The following SPIRE1 variants were observed in gnomAD, a reference collection of about 807,000 sequenced individuals.
The protein encoded by SPIRE1 is spire type actin nucleation factor 1.
Under a neutral mutation model 94.1 loss-of-function variants are expected in SPIRE1, and 40 were observed. The observed-to-expected ratio is 0.43, with a 90% CI of 0.33 to 0.55. The LOEUF (loss-of-function observed/expected upper bound fraction) is 0.55, where lower values mean the gene tolerates loss of function less well. SPIRE1 is among the 20% of genes least tolerant of loss of function. The probability of loss-of-function intolerance (pLI) is 0.06; values close to 1 mark genes in which losing one functional copy is unlikely to be tolerated. For synonymous variants in SPIRE1, 376 were observed against 371.7 expected, an observed-to-expected ratio of 1.01 and a Z score of -0.13; for missense variants, 838 against 975.2, an observed-to-expected ratio of 0.86 and a Z score of 1.87.
At chr18:12,625,813 C>G (rs1187032491) in intron 2 of SPIRE1, among the ~76,000 whole-genome samples, 2 of 152,064 alleles carry the variant, frequency 1.3e-5, no homozygotes, top group Non-Finnish European at 2.9e-5. Flanking sequence ...GAGGCCAAGG[C>G]GGGTGGATCA....
chr18:12,577,425 G>C (rs12963325), intron 2 of SPIRE1, among the ~76,000 whole-genome samples: 72,549 of 151,882 alleles, frequency 0.48, 18,056 homozygotes, highest in East Asian at 0.6. Context: ...GTGATTACAG[G>C]CATGAGCCAC....
At chr18:12,614,339 T>G (rs1460135252) in intron 2 of SPIRE1, among the ~76,000 whole-genome samples, 1 of 150,882 alleles carries the variant, frequency 6.6e-6, no homozygotes, top group East Asian at 1.9e-4. Flanking sequence ...TTTACTTAAT[T>G]TATCTACTAG....
chr18:12,623,165 T>C (rs2037523988), intron 2 of SPIRE1, among the ~76,000 whole-genome samples: 1 of 152,200 alleles, frequency 6.6e-6, no homozygotes, highest in South Asian at 2.1e-4. Flanking sequence ...ATACATTTTT[T>C]TTTTTTGAGA....
intron 2 of SPIRE1, among the ~76,000 whole-genome samples, chr18:12,595,741 A>T (rs528086001): frequency 6.6e-6 from 1 of 152,364 alleles, no homozygotes; most frequent in Non-Finnish European, 1.5e-5. Flanking sequence ...GAATAGACAA[A>T]CACATATACA....
intron 4 of SPIRE1, among the ~76,000 whole-genome samples, chr18:12,526,623 A>G (rs986686252): frequency 2.0e-5 from 3 of 152,236 alleles, no homozygotes; most frequent in Non-Finnish European, 4.4e-5. Context: ...AAGTCAGAAC[A>G]GCATTTAGCA....
intron 12 of SPIRE1, among the ~76,000 whole-genome samples, chr18:12,462,285 CTCTAATAAT>C (rs2031897732): frequency 6.6e-6 from 1 of 152,184 alleles, no homozygotes. Context: ...TTAATTGAAA[CTCTAATAAT>C]TCATCACAGC....
At chr18:12,535,146 CAGAAG>C (rs2144198402) in intron 4 of SPIRE1, among the ~76,000 whole-genome samples, 1 of 152,232 alleles carries the variant, frequency 6.6e-6, no homozygotes, top group Admixed American at 6.5e-5. Flanking sequence ...TCAGAATGGA[CAGAAG>C]AGAAGAGCGA....
chr18:12,661,326 A>C, upstream of SPIRE1: 3 of 980,720 alleles, frequency 3.1e-6, no homozygotes, highest in Non-Finnish European at 3.6e-6. Context: ...AAGAAAAAAA[A>C]TTGATAAGCC....
At chr18:12,467,727 G>C (rs517382) in intron 10 of SPIRE1, among the ~76,000 whole-genome samples, 5 of 152,094 alleles carry the variant, frequency 3.3e-5, no homozygotes, top group Admixed American at 2.6e-4. Flanking sequence ...TGAGGTGGGC[G>C]GATCACGAGG....
chr18:12,649,203 G>A (rs2038308904), intron 1 of SPIRE1, among the ~76,000 whole-genome samples: 1 of 152,060 alleles, frequency 6.6e-6, no homozygotes, highest in Non-Finnish European at 1.5e-5. Flanking sequence ...TTTGAGGTCA[G>A]GAGTTCAAGA....
At chr18:12,519,356 G>GCA (rs142657874) in intron 4 of SPIRE1, among the ~76,000 whole-genome samples, 123 of 150,816 alleles carry the variant, frequency 8.2e-4, no homozygotes, top group Admixed American at 2.6e-3. Context: ...ACACACGCAC[G>GCA]CACACACACA....
In SPIRE1 at chr18:12,449,698, G is replaced by A. The variant is rs1421166747; in HGVS notation, c.2211C>T (p.Tyr737=). 6.2e-7 allele frequency: 1 copy of A among 1,614,196 alleles called. No individual in the cohort carries two copies. The highest frequency in any genetic ancestry group is 8.5e-7 in the Non-Finnish European group (1 of 1,180,046). Residue 737 remains tyrosine, a synonymous_variant, in exon 17 of 17, where the codon TAC becomes TAT. Coordinates refer to ENST00000409402, the MANE Select transcript of SPIRE1 (RefSeq NM_001128626.2). ...ACTCCGAGGGGCCTGGCGAGGACATGTAGAAAGACTGCGTTTTCCTTTTCA... is the reference window on the plus strand; with the variant it reads ...ACTCCGAGGGGCCTGGCGAGGACATATAGAAAGACTGCGTTTTCCTTTTCA... ...ARLKRKTQSF[Y]MSSPGPSEYC...
intron 1 of SPIRE1, among the ~76,000 whole-genome samples, chr18:12,649,810 G>A (rs1043725153): frequency 1.4e-4 from 21 of 152,132 alleles, no homozygotes; most frequent in African/African-American, 4.6e-4. Flanking sequence ...TCTTTCTACT[G>A]TTTCCCTCTG....
At chr18:12,545,322 T>A (rs2035131494) in intron 3 of SPIRE1, among the ~76,000 whole-genome samples, 1 of 152,162 alleles carries the variant, frequency 6.6e-6, no homozygotes, top group Admixed American at 6.6e-5. Context: ...AAAGAATATA[T>A]CTGAATTTCA....
chr18:12,489,719 G>C (rs1179046649), intron 8 of SPIRE1, among the ~76,000 whole-genome samples: 1 of 152,136 alleles, frequency 6.6e-6, no homozygotes, highest in East Asian at 1.9e-4. Flanking sequence ...ATCGTATTTG[G>C]AGTCATATTT....
intron 4 of SPIRE1, among the ~76,000 whole-genome samples, chr18:12,519,863 A>T (rs147358162): frequency 6.6e-6 from 1 of 152,360 alleles, no homozygotes; most frequent in African/African-American, 2.4e-5. Context: ...ACCTCTAGGA[A>T]GGACAATAGT....
chr18:12,482,930 T>C (rs930225458), intron 9 of SPIRE1, among the ~76,000 whole-genome samples: 1 of 149,368 alleles, frequency 6.7e-6, no homozygotes, highest in Admixed American at 6.8e-5. Context: ...GGCAAAAGAC[T>C]TAATTGCACT....
At chr18:12,489,030 T>C (rs563070207) in intron 8 of SPIRE1, among the ~76,000 whole-genome samples, 1 of 150,712 alleles carries the variant, frequency 6.6e-6, no homozygotes, top group Admixed American at 6.6e-5. Context: ...CTAAAAAAAA[T>C]ACAAAAAATT....
intron 4 of SPIRE1, among the ~76,000 whole-genome samples, chr18:12,519,423 CGCTCTACATAGCTGGACTGACTCT>C (rs1393609053): frequency 1.3e-5 from 2 of 152,086 alleles, no homozygotes; most frequent in Non-Finnish European, 2.9e-5. Flanking sequence ...GGACTGACTC[CGCTCTACATAGCTGGACTGACTCT>C]GCTCTACATA....
Sources: allele counts gnomAD v4.1 joint callset (sites outside exome capture counted in the v4.1 genomes callset), GRCh38; gene constraint gnomAD v4.1.1; transcripts MANE v1.5; gene names NCBI Gene and HGNC (gene_info 2026-07-23, HGNC 2026-07-21).